Variants in ITFG1 observed in about 807,000 individuals in gnomAD.
ITFG1 encodes the protein integrin alpha FG-GAP repeat containing 1.
A neutral mutation model predicts 81.8 loss-of-function variants in ITFG1; 34 were observed. That is an observed-to-expected ratio of 0.42 (90% CI 0.32 to 0.55). ITFG1 has a LOEUF of 0.55. Ranked by LOEUF, ITFG1 falls within the 20% of genes least tolerant of loss-of-function variation. The probability of loss-of-function intolerance (pLI) is 0.17; values close to 1 mark genes in which losing one functional copy is unlikely to be tolerated. For synonymous variants in ITFG1, 285 were observed against 270.6 expected (o/e 1.05, Z -0.52); for missense variants, 672 against 755.4 (o/e 0.89, Z 1.29).
intron 14 of ITFG1, among the ~76,000 whole-genome samples, chr16:47,175,174 C>T (rs1238705591): frequency 6.6e-6 from 1 of 151,956 alleles, no homozygotes; most frequent in Non-Finnish European, 1.5e-5. Context: ...AAAGATTTGA[C>T]AGGTTTTGAA....
rs763452149 is a variant in ITFG1 at position 47,258,745 on chromosome 16, A to G, written c.1222-5T>C. The stretch of plus-strand genomic sequence containing the variant: ...CACTACAATGTCCAAGATTCCCTGG[A>G]AAAAAACAAACAAAAATGGTAAGAA... On this transcript the variant is annotated splice_region_variant and splice_polypyrimidine_tract_variant and intron_variant, in intron 11 of 17. Coordinates refer to ENST00000320640, the MANE Select transcript of ITFG1 (RefSeq NM_030790.5). 1 of 1,375,818 alleles carries G rather than the reference A, an allele frequency of 7.3e-7. No homozygotes were observed. The highest frequency in any genetic ancestry group is 1.4e-5 in the South Asian group (1 of 73,464). 85.2% of individuals were successfully genotyped at this position (1,375,818 alleles called of 1,614,324 possible).
At chr16:47,289,741 T>C (rs1966886401) in intron 10 of ITFG1, among the ~76,000 whole-genome samples, 1 of 152,150 alleles carries the variant, frequency 6.6e-6, no homozygotes, top group Admixed American at 6.5e-5. Flanking sequence ...TCCTCTTTTT[T>C]TTATCTAGAT....
chr16:47,386,520 C>CTTCA (rs1451198702), intron 6 of ITFG1, among the ~76,000 whole-genome samples: 4 of 152,204 alleles, frequency 2.6e-5, no homozygotes, highest in Admixed American at 2.0e-4. Flanking sequence ...GACACCCCTT[C>CTTCA]TTCAATCCAG....
intron 8 of ITFG1, among the ~76,000 whole-genome samples, chr16:47,357,399 G>A (rs1230628170): frequency 2.0e-5 from 3 of 152,008 alleles, no homozygotes; most frequent in African/African-American, 7.2e-5. Flanking sequence ...CGGATCGTGA[G>A]GTCAGGAGAT....
At chr16:47,431,687 T>C (rs998819126) in intron 5 of ITFG1, among the ~76,000 whole-genome samples, 1 of 152,222 alleles carries the variant, frequency 6.6e-6, no homozygotes, top group African/African-American at 2.4e-5. Flanking sequence ...AGGGATTCTA[T>C]GATAAATTTA....
intron 7 of ITFG1, among the ~76,000 whole-genome samples, chr16:47,374,796 G>A (rs528195796): frequency 5.9e-5 from 9 of 152,072 alleles, no homozygotes; most frequent in Non-Finnish European, 1.3e-4. Flanking sequence ...TCAAATTGCT[G>A]AGCTTAGAAG....
chr16:47,447,002 G>A (rs1246689134), intron 5 of ITFG1, among the ~76,000 whole-genome samples: 1 of 151,688 alleles, frequency 6.6e-6, no homozygotes. Flanking sequence ...GCTGGGACCA[G>A]AGGAGTGCAC....
intron 6 of ITFG1, among the ~76,000 whole-genome samples, chr16:47,376,980 A>AAAAAAAAAAAAAAAAT (rs1567479313): frequency 1.3e-4 from 20 of 150,186 alleles, no homozygotes; most frequent in African/African-American, 5.0e-4. Flanking sequence ...AAAAAAAAAA[A>AAAAAAAAAAAAAAAAT]AAAAAAAAAA....
chr16:47,294,847 T>G (rs745924625), intron 10 of ITFG1, among the ~76,000 whole-genome samples: 2 of 152,162 alleles, frequency 1.3e-5, no homozygotes, highest in Non-Finnish European at 2.9e-5. Flanking sequence ...TTGCATGGTT[T>G]TCATATCTTT....
chr16:47,192,823 T>C (rs1175312980), intron 14 of ITFG1, among the ~76,000 whole-genome samples: 8 of 152,224 alleles, frequency 5.3e-5, no homozygotes, highest in Admixed American at 5.2e-4. Context: ...AAGGGCATTT[T>C]CCCCTCAGCT....
chr16:47,425,572 T>C (rs553213466), intron 6 of ITFG1, among the ~76,000 whole-genome samples: 1 of 150,516 alleles, frequency 6.6e-6, no homozygotes, highest in Non-Finnish European at 1.5e-5. Flanking sequence ...TATTTGGCCA[T>C]CTTGGAAGTG....
At chr16:47,333,495 G>A (rs1967663128) in intron 8 of ITFG1, among the ~76,000 whole-genome samples, 1 of 152,122 alleles carries the variant, frequency 6.6e-6, no homozygotes, top group Non-Finnish European at 1.5e-5. Context: ...CCTTAAATAT[G>A]ACTTTTTACC....
chr16:47,401,661 G>C, intron 6 of ITFG1, among the ~76,000 whole-genome samples: 1 of 152,168 alleles, frequency 6.6e-6, no homozygotes, highest in East Asian at 1.9e-4. Context: ...GGACAATGCA[G>C]TTAACTATTA....
intron 6 of ITFG1, among the ~76,000 whole-genome samples, chr16:47,397,015 G>A (rs1968602206): frequency 1.3e-5 from 2 of 152,182 alleles, no homozygotes; most frequent in South Asian, 4.1e-4. Flanking sequence ...GAAATTGATA[G>A]ATGCTAGTAA....
intron 10 of ITFG1, chr16:47,263,065 T>A: frequency 4.3e-6 from 1 of 229,898 alleles, no homozygotes. Context: ...CTCGGCAAAG[T>A]CAAATGTATG....
chr16:47,385,762 C>T (rs1198414139), intron 6 of ITFG1, among the ~76,000 whole-genome samples: 2 of 152,168 alleles, frequency 1.3e-5, no homozygotes, highest in African/African-American at 2.4e-5. Flanking sequence ...GAGAAGACTT[C>T]AACCTTTCTT....
chr16:47,220,798 C>T (rs140284170), intron 13 of ITFG1, among the ~76,000 whole-genome samples: 1 of 152,086 alleles, frequency 6.6e-6, no homozygotes, highest in African/African-American at 2.4e-5. Context: ...AGTGTAGAAT[C>T]ACTTCTGGAA....
At chr16:47,292,980 T>A (rs1966927485) in intron 10 of ITFG1, among the ~76,000 whole-genome samples, 1 of 150,762 alleles carries the variant, frequency 6.6e-6, no homozygotes, top group East Asian at 1.9e-4. Flanking sequence ...GAAAAAGACA[T>A]GACTTCATTC....
chr16:47,399,204 T>A (rs1221178172), intron 6 of ITFG1, among the ~76,000 whole-genome samples: 1 of 152,246 alleles, frequency 6.6e-6, no homozygotes, highest in African/African-American at 2.4e-5. Context: ...TACTGAGAGC[T>A]ACATTTTATT....
Sources: gnomAD v4.1 joint callset for allele counts (sites outside exome capture counted in the v4.1 genomes callset) on GRCh38, gnomAD v4.1.1 for gene constraint, MANE v1.5 for transcripts, NCBI Gene and HGNC (gene_info 2026-07-23, HGNC 2026-07-21) for gene names.